The following PCDHA6 variants were observed in gnomAD, a reference collection of about 807,000 sequenced individuals.
PCDHA6 encodes protocadherin alpha-6.
Under a neutral mutation model 60.3 loss-of-function variants are expected in PCDHA6, and 55 were observed. That is an observed-to-expected ratio of 0.91 (90% confidence interval 0.73 to 1.14). The LOEUF (loss-of-function observed/expected upper bound fraction) is 1.14, where lower values mean the gene tolerates loss of function less well. Among genes scored for constraint, PCDHA6 ranks in the 50% most tolerant of loss-of-function variants. The probability of loss-of-function intolerance (pLI) is 0.00; values close to 1 mark genes in which losing one functional copy is unlikely to be tolerated. For synonymous variants in PCDHA6, 652 were observed against 557.9 expected, an observed-to-expected ratio of 1.17 and a Z score of -2.38; for missense variants, 1,327 against 1,256.5, an observed-to-expected ratio of 1.06 and a Z score of -0.85.
chr5:140,855,791 A>T, intron 1 of PCDHA6: 1 of 446,278 alleles, frequency 2.2e-6, no homozygotes, highest in Non-Finnish European at 4.0e-6. Flanking sequence ...AAAAAGAATT[A>T]ACATATGAAT....
At chr5:140,897,154 T>C (rs530327361) in intron 1 of PCDHA6, among the ~76,000 whole-genome samples, 1 of 152,332 alleles carries the variant, frequency 6.6e-6, no homozygotes, top group African/African-American at 2.4e-5. Context: ...TTAACCATTC[T>C]TCTACTGTCT....
intron 1 of PCDHA6, chr5:140,857,722 C>T (rs371525843): frequency 4.4e-6 from 7 of 1,597,318 alleles, no homozygotes; most frequent in African/African-American, 2.7e-5. Flanking sequence ...TGGACGAGAA[C>T]GACAACGCTC....
intron 1 of PCDHA6, among the ~76,000 whole-genome samples, chr5:140,915,121 A>G (rs982484419): frequency 1.1e-4 from 16 of 151,600 alleles, no homozygotes; most frequent in African/African-American, 3.9e-4. Flanking sequence ...CCTAATTTTT[A>G]TATTTTTAGT....
At chr5:140,969,284 G>T (rs782449740) in intron 1 of PCDHA6, 1 of 1,614,216 alleles carries the variant, frequency 6.2e-7, no homozygotes, top group Non-Finnish European at 8.5e-7. Flanking sequence ...TGGTCAGAAT[G>T]CTGGGAACCT....
At chr5:140,895,026 A>G (rs549013601) in intron 1 of PCDHA6, among the ~76,000 whole-genome samples, 5 of 152,096 alleles carry the variant, frequency 3.3e-5, no homozygotes, top group African/African-American at 1.2e-4. Flanking sequence ...CCTTTGTTTA[A>G]TTGTCCCCCA....
intron 1 of PCDHA6, among the ~76,000 whole-genome samples, chr5:140,950,195 C>T (rs186601471): frequency 6.6e-6 from 1 of 152,028 alleles, no homozygotes; most frequent in South Asian, 2.1e-4. Flanking sequence ...AAAAAATAGT[C>T]ATTTCTGTTT....
chr5:140,863,399 A>G, intron 1 of PCDHA6: 2 of 871,986 alleles, frequency 2.3e-6, no homozygotes, highest in Non-Finnish European at 3.6e-6. Context: ...ATGCCGGGCA[A>G]GCCCACGCTG....
At chr5:140,870,388 G>C in intron 1 of PCDHA6, 1 of 1,614,232 alleles carries the variant, frequency 6.2e-7, no homozygotes, top group Non-Finnish European at 8.5e-7. Flanking sequence ...TGCGCGGGAT[G>C]GGGGTTCGCC....
chr5:140,834,122 A>G (rs1171530396), intron 1 of PCDHA6: 1 of 434,976 alleles, frequency 2.3e-6, no homozygotes, highest in Non-Finnish European at 4.0e-6. Flanking sequence ...TTGAAATAAA[A>G]CTTTTCATCT....
chr5:140,902,599 G>A (rs981296505), intron 1 of PCDHA6, among the ~76,000 whole-genome samples: 14 of 152,024 alleles, frequency 9.2e-5, no homozygotes, highest in Admixed American at 3.3e-4. Flanking sequence ...GAAACAGGTC[G>A]TTTTCAGTTA....
intron 3 of PCDHA6, among the ~76,000 whole-genome samples, chr5:140,999,748 G>A (rs1563643254): frequency 1.3e-5 from 2 of 152,188 alleles, no homozygotes; most frequent in South Asian, 2.1e-4. Flanking sequence ...ATCTGGGTTC[G>A]CAGCACATGA....
At chr5:140,834,797 G>A in intron 1 of PCDHA6, 3 of 1,613,022 alleles carry the variant, frequency 1.9e-6, no homozygotes, top group South Asian at 1.1e-5. Context: ...CGACACAAAG[G>A]AATCTGTTCA....
intron 1 of PCDHA6, chr5:140,926,754 C>T: frequency 1.6e-6 from 2 of 1,283,492 alleles, no homozygotes; most frequent in Non-Finnish European, 2.0e-6. Flanking sequence ...TCGGCGGTCG[C>T]TGAGTATCCA....
chr5:140,856,348 G>A (rs2043945989), intron 1 of PCDHA6: 2 of 1,598,578 alleles, frequency 1.3e-6, no homozygotes, highest in Admixed American at 1.7e-5. Context: ...GGAGCGTGGA[G>A]TGCAGCATCC....
At chr5:140,842,661 A>G in intron 1 of PCDHA6, 1 of 1,595,428 alleles carries the variant, frequency 6.3e-7, no homozygotes, top group Non-Finnish European at 8.6e-7. Flanking sequence ...GAGGTGGCCG[A>G]CGTGAACGAC....
At chr5:140,875,373 A>G in intron 1 of PCDHA6, 7 of 1,454,810 alleles carry the variant, frequency 4.8e-6, no homozygotes, top group Non-Finnish European at 6.3e-6. Flanking sequence ...AAAATTTACT[A>G]AATATGTACT....
chr5:140,854,582 T>TA (rs757658134), intron 1 of PCDHA6: 9 of 149,824 alleles, frequency 6.0e-5, no homozygotes, highest in Non-Finnish European at 1.0e-4. Context: ...CAGATTTTAA[T>TA]AAAAAAAGTT....
chr5:140,873,888 T>C (rs1225763068), intron 1 of PCDHA6, among the ~76,000 whole-genome samples: 2 of 152,232 alleles, frequency 1.3e-5, no homozygotes, highest in African/African-American at 4.8e-5. Flanking sequence ...CTTGAACTCC[T>C]GACCTCAGGT....
At chr5:140,856,703 C>T (rs1413055800) in intron 1 of PCDHA6, 1 of 1,596,452 alleles carries the variant, frequency 6.3e-7, no homozygotes, top group Non-Finnish European at 8.6e-7. Context: ...TGGAGGCAAA[C>T]CTGAATTTAC....
Sources: gnomAD v4.1 joint callset for allele counts (sites outside exome capture counted in the v4.1 genomes callset) on GRCh38, gnomAD v4.1.1 for gene constraint, MANE v1.5 for transcripts, NCBI Gene and HGNC (gene_info 2026-07-23, HGNC 2026-07-21) for gene names.